CNTNAP2: variants seen among roughly 807,000 people sequenced by gnomAD.
CNTNAP2 encodes contactin associated protein 2, also known as contactin-associated protein-like 2.
A neutral mutation model predicts 155.2 loss-of-function variants in CNTNAP2; 98 were observed. That is an observed-to-expected ratio of 0.63 (90% CI 0.54 to 0.75). CNTNAP2 has a LOEUF of 0.75. Ranked by LOEUF, CNTNAP2 falls within the 30% of genes least tolerant of loss-of-function variation. The pLI, the probability that CNTNAP2 is intolerant of heterozygous loss-of-function variation, is 0.00. For synonymous variants in CNTNAP2, 651 were observed against 631.2 expected (o/e 1.03, Z -0.47); for missense variants, 1,727 against 1,688.1 (o/e 1.02, Z -0.40).
chr7:147,715,639 G>A (rs1796471934), intron 13 of CNTNAP2, among the ~76,000 whole-genome samples: 1 of 151,988 alleles, frequency 6.6e-6, no homozygotes, highest in African/African-American at 2.4e-5. Flanking sequence ...CTCCCAGTCT[G>A]CAATTTGTCT....
intron 21 of CNTNAP2, among the ~76,000 whole-genome samples, chr7:148,277,978 A>G (rs1397837857): frequency 3.3e-5 from 5 of 152,152 alleles, no homozygotes; most frequent in Non-Finnish European, 7.3e-5. Flanking sequence ...GGGAGTTAGC[A>G]TGGGCATGTT....
At chr7:147,380,214 C>T (rs1391566061) in intron 9 of CNTNAP2, among the ~76,000 whole-genome samples, 1 of 151,410 alleles carries the variant, frequency 6.6e-6, no homozygotes, top group African/African-American at 2.4e-5. Context: ...TTTTCAGATA[C>T]AAAAAGCCAT....
intron 10 of CNTNAP2, among the ~76,000 whole-genome samples, chr7:147,417,169 C>A (rs1259881983): frequency 6.6e-6 from 1 of 152,024 alleles, no homozygotes; most frequent in African/African-American, 2.4e-5. Context: ...ATCTCAACCA[C>A]GGTTATGTAT....
At chr7:147,399,603 T>A (rs1796879117) in intron 10 of CNTNAP2, among the ~76,000 whole-genome samples, 1 of 152,112 alleles carries the variant, frequency 6.6e-6, no homozygotes, top group Admixed American at 6.5e-5. Context: ...AGAAAATTAG[T>A]CAAAGGGGCT....
At chr7:146,757,020 C>A (rs1424250877) in intron 1 of CNTNAP2, among the ~76,000 whole-genome samples, 1 of 152,006 alleles carries the variant, frequency 6.6e-6, no homozygotes, top group East Asian at 1.9e-4. Context: ...ATGCCAAATT[C>A]CCTTAAGGAT....
At chr7:147,709,525 T>G (rs1796371988) in intron 13 of CNTNAP2, among the ~76,000 whole-genome samples, 1 of 152,132 alleles carries the variant, frequency 6.6e-6, no homozygotes, top group Non-Finnish European at 1.5e-5. Context: ...GGCAACAGCT[T>G]GGGAAGAAAA....
intron 1 of CNTNAP2, among the ~76,000 whole-genome samples, chr7:146,508,153 T>C (rs1273155508): frequency 2.6e-5 from 4 of 152,228 alleles, no homozygotes; most frequent in African/African-American, 9.6e-5. Flanking sequence ...TATCTGCACC[T>C]CCTCTAACAT....
At chr7:148,388,058 G>T (rs1799256645) in intron 22 of CNTNAP2, among the ~76,000 whole-genome samples, 1 of 152,162 alleles carries the variant, frequency 6.6e-6, no homozygotes, top group African/African-American at 2.4e-5. Flanking sequence ...CCCTTGTTTA[G>T]CATATAATCA....
At chr7:148,255,035 C>T (rs1490268524) in intron 20 of CNTNAP2, among the ~76,000 whole-genome samples, 2 of 152,004 alleles carry the variant, frequency 1.3e-5, no homozygotes, top group African/African-American at 4.8e-5. Context: ...ATCTAAAGTA[C>T]TCACTATGTG....
intron 12 of CNTNAP2, among the ~76,000 whole-genome samples, chr7:147,593,607 G>C (rs920091026): frequency 2.0e-5 from 3 of 152,110 alleles, no homozygotes; most frequent in Non-Finnish European, 4.4e-5. Flanking sequence ...ATCATGTAAA[G>C]AGGTGTTAGG....
intron 1 of CNTNAP2, among the ~76,000 whole-genome samples, chr7:146,625,558 A>T (rs1179837795): frequency 6.6e-6 from 1 of 152,048 alleles, no homozygotes; most frequent in Non-Finnish European, 1.5e-5. Context: ...AATTCTATAC[A>T]TTTGACCAAG....
chr7:146,248,102 G>A (rs1266265663), intron 1 of CNTNAP2, among the ~76,000 whole-genome samples: 4 of 151,702 alleles, frequency 2.6e-5, no homozygotes, highest in African/African-American at 7.3e-5. Flanking sequence ...ATAAGGGGTC[G>A]GGGCACAGAG....
intron 3 of CNTNAP2, among the ~76,000 whole-genome samples, chr7:146,933,748 A>C (rs887445549): frequency 6.6e-6 from 1 of 152,086 alleles, no homozygotes. Flanking sequence ...ACAAGAAAAA[A>C]AAACAAACAA....
At chr7:148,119,446 G>A (rs1005680185) in intron 16 of CNTNAP2, among the ~76,000 whole-genome samples, 4 of 152,246 alleles carry the variant, frequency 2.6e-5, no homozygotes, top group East Asian at 3.9e-4. Flanking sequence ...GCAGGAGAAT[G>A]GCGTAAGTAA....
intron 14 of CNTNAP2, among the ~76,000 whole-genome samples, chr7:147,919,459 C>CTTTTTTTTTTTTTTT (rs796710849): frequency 7.8e-5 from 4 of 51,226 alleles, no homozygotes; most frequent in East Asian, 8.0e-4. Flanking sequence ...CTTTTTCTTT[C>CTTTTTTTTTTTTTTT]TTTTTTTTTT....
intron 8 of CNTNAP2, among the ~76,000 whole-genome samples, chr7:147,288,614 A>G (rs954662615): frequency 1.3e-5 from 2 of 152,368 alleles, no homozygotes; most frequent in African/African-American, 4.8e-5. Flanking sequence ...TCAGTTATCA[A>G]AGTAACGAGA....
intron 1 of CNTNAP2, among the ~76,000 whole-genome samples, chr7:146,265,663 T>G (rs1799984043): frequency 1.3e-5 from 2 of 152,124 alleles, no homozygotes; most frequent in Non-Finnish European, 2.9e-5. Flanking sequence ...TTTTGCCATG[T>G]TGGCCAGGCT....
chr7:147,517,256 C>T lies in CNTNAP2; in HGVS notation c.1777+31215C>T, dbSNP rs566401327. ...TTGTGAAATGGGATCTGATGCTATT[C>T]ACAAAGAGTTCTTCTTAATGCTTCA... On this transcript the variant is annotated intron_variant, in intron 11 of 23. Transcript: ENST00000361727. Among the ~76,000 whole-genome samples the T allele has an allele frequency of 9.2e-5, 14 of 152,200 alleles. No homozygotes were observed. In the East Asian group the frequency reaches 2.7e-3, roughly 29 times the overall value.
At chr7:147,061,743 C>G (rs778515205) in intron 4 of CNTNAP2, among the ~76,000 whole-genome samples, 7 of 152,072 alleles carry the variant, frequency 4.6e-5, no homozygotes, top group Non-Finnish European at 1.0e-4. Context: ...AAAATAGCAA[C>G]CAATTACTTT....
Sources: allele counts gnomAD v4.1 joint callset (sites outside exome capture counted in the v4.1 genomes callset), GRCh38; gene constraint gnomAD v4.1.1; transcripts MANE v1.5; gene names NCBI Gene and HGNC (gene_info 2026-07-23, HGNC 2026-07-21).